Variants in AQR observed in about 807,000 individuals in gnomAD.
AQR encodes the protein aquarius intron-binding spliceosomal factor.
In AQR, 61 loss-of-function variants were observed where a neutral mutation model predicts 180.5. The ratio of observed to expected loss-of-function variants is 0.34; its 90% CI spans 0.28 to 0.42. The LOEUF (loss-of-function observed/expected upper bound fraction) is 0.42. Among genes scored for constraint, AQR ranks in the 10% least tolerant of loss-of-function variants. The pLI is 1.00. For synonymous variants in AQR, 551 were observed against 588.8 expected, an observed-to-expected ratio of 0.94 and a Z score of 0.93; for missense variants, 1,281 against 1,798.3, an observed-to-expected ratio of 0.71 and a Z score of 5.20.
At chr15:34,958,328 C>A (rs1308811256) in intron 3 of AQR, among the ~76,000 whole-genome samples, 2 of 152,062 alleles carry the variant, frequency 1.3e-5, no homozygotes, top group Non-Finnish European at 2.9e-5. Flanking sequence ...GCCTGGGCAA[C>A]ATGGAGAAAC....
chr15:34,907,664 C>T (rs920681806), intron 17 of AQR, among the ~76,000 whole-genome samples: 3 of 152,198 alleles, frequency 2.0e-5, no homozygotes, highest in Non-Finnish European at 4.4e-5. Context: ...ATAATACTGA[C>T]TTAATTATTT....
chr15:34,938,023 A>T (rs1174374634), intron 9 of AQR, among the ~76,000 whole-genome samples: 1 of 151,854 alleles, frequency 6.6e-6, no homozygotes, highest in Non-Finnish European at 1.5e-5. Flanking sequence ...CTTTTAGCTC[A>T]TATCTCAGTA....
chr15:34,926,926 CAAGT>C (rs1434530306), intron 13 of AQR, 105 bp downstream of exon 13: 1 of 542,654 alleles, frequency 1.8e-6, no homozygotes, highest in African/African-American at 2.0e-5. Context: ...AGTGAAATAA[CAAGT>C]AATATTATCT....
chr15:34,903,786 G>GT (rs1379359604), intron 19 of AQR, among the ~76,000 whole-genome samples: 2 of 152,048 alleles, frequency 1.3e-5, no homozygotes, highest in Non-Finnish European at 2.9e-5. Flanking sequence ...TCAAATAATG[G>GT]TTTTTAAAAC....
intron 17 of AQR, among the ~76,000 whole-genome samples, chr15:34,908,056 G>C (rs899102388): frequency 6.6e-6 from 1 of 152,190 alleles, no homozygotes; most frequent in Non-Finnish European, 1.5e-5. Context: ...CTTTAAATGA[G>C]AATATTGAAG....
intron 16 of AQR, among the ~76,000 whole-genome samples, chr15:34,914,616 A>C (rs1893553272): frequency 6.6e-6 from 1 of 152,206 alleles, no homozygotes; most frequent in African/African-American, 2.4e-5. Flanking sequence ...CTGTGGCAAC[A>C]GTGACAAGAG....
At chr15:34,959,945 A>G (rs2050264939) in intron 3 of AQR, among the ~76,000 whole-genome samples, 1 of 152,232 alleles carries the variant, frequency 6.6e-6, no homozygotes, top group Non-Finnish European at 1.5e-5. Flanking sequence ...GTTTGAGACT[A>G]GCCTGGCCAA....
At chr15:34,857,366 A>G (rs1408677509) in intron 34 of AQR, among the ~76,000 whole-genome samples, 1 of 152,242 alleles carries the variant, frequency 6.6e-6, no homozygotes, top group Non-Finnish European at 1.5e-5. Flanking sequence ...ATTTTTAAGC[A>G]ACATACTTTG....
At chr15:34,919,918 C>CA (rs200837935) in intron 14 of AQR, among the ~76,000 whole-genome samples, 2,021 of 151,388 alleles carry the variant, frequency 0.013, 47 homozygotes, top group African/African-American at 0.047. Flanking sequence ...AACAAACAAA[C>CA]AAACAAAAAA....
chr15:34,890,336 A>C lies in AQR; in HGVS notation c.2572-12T>G. ...AACTGGTTTAGGGCCTAGACAATAAAGCAAGAAGGGTGACGGCACCTTTAA... is the reference window on the plus strand; with the variant it reads ...AACTGGTTTAGGGCCTAGACAATAACGCAAGAAGGGTGACGGCACCTTTAA... On this transcript the variant is annotated splice_polypyrimidine_tract_variant and intron_variant, in intron 23 of 34. Transcript: ENST00000156471. 6.2e-7 allele frequency: 1 copy of C among 1,607,442 alleles called. No homozygotes were observed. Among genetic ancestry groups the C allele is most frequent in the South Asian group, 1.1e-5 (1 of 89,386 alleles).
intron 16 of AQR, among the ~76,000 whole-genome samples, chr15:34,911,022 A>G (rs1893491350): frequency 6.6e-6 from 1 of 152,120 alleles, no homozygotes; most frequent in Non-Finnish European, 1.5e-5. Flanking sequence ...GTAAAGTGAG[A>G]TAATCAGTTT....
intron 20 of AQR, among the ~76,000 whole-genome samples, chr15:34,898,423 A>G (rs892448789): frequency 2.0e-5 from 3 of 152,220 alleles, no homozygotes; most frequent in African/African-American, 7.2e-5. Context: ...AGTGGTCAGC[A>G]CTTATTTTGG....
At chr15:34,959,625 G>A (rs2050262577) in intron 3 of AQR, among the ~76,000 whole-genome samples, 1 of 152,192 alleles carries the variant, frequency 6.6e-6, no homozygotes, top group Admixed American at 6.5e-5. Context: ...AGTCAGTAAT[G>A]GCATCACTAA....
chr15:34,873,842 G>A lies in AQR; in HGVS notation c.3583C>T (p.Pro1195Ser), dbSNP rs1328833618. ...FQGVGESEPN[P>S]YFYQNLGEAE... ...TTTTTTCTTACCTGATAGAAGTAAG[G>A]ATTAGGTTCAGATTCTCCCACTCCT... is the stretch of plus-strand genomic sequence containing the variant. The change falls in exon 30 of 35, where the codon CCT (proline) becomes TCT (serine). Residue 1195 changes from proline (P) to serine (S), a missense_variant. By Grantham distance (74) the Pro-to-Ser change is moderately conservative (BLOSUM62 -1). This residue lies in a region of AQR where 197 missense variants were observed against 320.7 expected (regional missense o/e 0.61). Transcript: ENST00000156471. 3.8e-6 allele frequency: 6 copies of A among 1,594,804 alleles called. No individual in the cohort carries two copies. The highest frequency in any genetic ancestry group is 5.1e-6 in the Non-Finnish European group (6 of 1,170,816).
At position 34,969,519 on chromosome 15, in the gene AQR, C is replaced by A. The variant is rs2050332367; in HGVS notation, c.75+20G>T. On this transcript the variant is annotated intron_variant, in intron 1 of 34. Coordinates refer to ENST00000156471, the MANE Select transcript of AQR (RefSeq NM_014691.3). ...CGACGTCCATACCCACTCACACACA[C>A]CAGACTCGCCCGAGCTCACCTGGGT... 6.2e-7 allele frequency: 1 copy of A among 1,613,202 alleles called. No individual in the cohort carries two copies. The highest frequency in any genetic ancestry group is 8.5e-7 in the Non-Finnish European group (1 of 1,179,904).
At chr15:34,909,470 A>G (rs768271424) in intron 17 of AQR, among the ~76,000 whole-genome samples, 2 of 152,250 alleles carry the variant, frequency 1.3e-5, no homozygotes, top group Non-Finnish European at 2.9e-5. Flanking sequence ...CAAAAATAGG[A>G]GGAATAACTC....
At chr15:34,960,536 A>ATT in intron 3 of AQR, among the ~76,000 whole-genome samples, 1 of 152,212 alleles carries the variant, frequency 6.6e-6, no homozygotes, top group Non-Finnish European at 1.5e-5. Context: ...TTTTTCTCAA[A>ATT]TTCCATCTAA....
At chr15:34,943,815 C>A (rs558497685) in intron 6 of AQR, among the ~76,000 whole-genome samples, 1 of 152,322 alleles carries the variant, frequency 6.6e-6, no homozygotes, top group South Asian at 2.1e-4. Flanking sequence ...TTTCAAAGAT[C>A]ATTTACACTT....
intron 4 of AQR, among the ~76,000 whole-genome samples, chr15:34,950,682 T>C (rs1894215088): frequency 6.6e-6 from 1 of 152,106 alleles, no homozygotes; most frequent in Admixed American, 6.5e-5. Context: ...AAGTTCTTGG[T>C]GGTGGGGGCA....
Sources: gnomAD v4.1 joint callset for allele counts (sites outside exome capture counted in the v4.1 genomes callset) on GRCh38, gnomAD v4.1.1 for gene constraint, gnomAD v4.1.1 regional missense constraint, MANE v1.5 for transcripts, NCBI Gene and HGNC (gene_info 2026-07-23, HGNC 2026-07-21) for gene names.